The following BCKDHA variants were observed in gnomAD, a reference collection of about 807,000 sequenced individuals.
BCKDHA encodes 2-oxoisovalerate dehydrogenase subunit alpha, mitochondrial.
A neutral mutation model predicts 52.2 loss-of-function variants in BCKDHA; 43 were observed. The ratio of observed to expected loss-of-function variants is 0.82; its 90% CI spans 0.64 to 1.06. The LOEUF (loss-of-function observed/expected upper bound fraction) is 1.06, where lower values mean the gene tolerates loss of function less well. Among genes scored for constraint, BCKDHA ranks in the 50% least tolerant of loss-of-function variants. BCKDHA has a pLI of 0.00. For missense variants in BCKDHA, 527 were observed against 621.3 expected (o/e 0.85, Z 1.61); for synonymous variants, 234 against 247.9 (o/e 0.94, Z 0.53).
At chr19:41,407,133 T>C (rs1348679132) in intron 1 of BCKDHA, among the ~76,000 whole-genome samples, 1 of 152,208 alleles carries the variant, frequency 6.6e-6, no homozygotes, top group East Asian at 1.9e-4. Context: ...ACTTCTCACC[T>C]TCCTAGATTT....
chr19:41,416,423 G>A (rs565908319), intron 4 of BCKDHA, among the ~76,000 whole-genome samples: 1 of 152,342 alleles, frequency 6.6e-6, no homozygotes, highest in East Asian at 1.9e-4. Flanking sequence ...AACTCTAAAA[G>A]CCAGGTAAGA....
intron 1 of BCKDHA, among the ~76,000 whole-genome samples, chr19:41,403,878 A>C (rs1261864554): frequency 6.6e-6 from 1 of 151,788 alleles, no homozygotes; most frequent in Non-Finnish European, 1.5e-5. Flanking sequence ...CCCTCATCCT[A>C]CCTCCTATGT....
chr19:41,402,335 G>A (rs2039147370), intron 1 of BCKDHA, among the ~76,000 whole-genome samples: 1 of 152,140 alleles, frequency 6.6e-6, no homozygotes, highest in Non-Finnish European at 1.5e-5. Flanking sequence ...AAGTGTATGG[G>A]TCCATCTCTT....
At chr19:41,422,488 G>T in intron 6 of BCKDHA, 118 bp downstream of exon 6, 2 of 1,567,320 alleles carry the variant, frequency 1.3e-6, no homozygotes, top group East Asian at 4.5e-5. Context: ...GTCCTGTGGC[G>T]TCTGGCACTT....
At chr19:41,405,353 G>A (rs2039181488) in intron 1 of BCKDHA, among the ~76,000 whole-genome samples, 1 of 151,756 alleles carries the variant, frequency 6.6e-6, no homozygotes, top group Non-Finnish European at 1.5e-5. Context: ...GTGCAGTGGT[G>A]TGATCTTGGC....
rs148106319 is a variant in BCKDHA at position 41,405,747 on chromosome 19, C to CA, written c.109-4889dup. Among the ~76,000 whole-genome samples the CA allele has an allele frequency of 5.8e-3, 880 of 152,284 alleles. 6 individuals carry two copies. Among genetic ancestry groups the CA allele is most frequent in the African/African-American group, 0.02 (832 of 41,560 alleles). ...GCTCAGGGAGTTTAAGTCACATAAT[C>CA]AGGCAGCGGTCTGCTCAGTTAGAGT... On this transcript the variant is annotated intron_variant, in intron 1 of 8. Transcript: ENST00000269980.
intron 3 of BCKDHA, among the ~76,000 whole-genome samples, chr19:41,411,747 G>A (rs2039256227): frequency 6.6e-6 from 1 of 152,150 alleles, no homozygotes; most frequent in South Asian, 2.1e-4. Flanking sequence ...GAGGGGAATA[G>A]TATACTGGGA....
intron 1 of BCKDHA, among the ~76,000 whole-genome samples, chr19:41,409,259 G>T (rs893331262): frequency 3.9e-5 from 6 of 152,150 alleles, no homozygotes; most frequent in Non-Finnish European, 8.8e-5. Context: ...TGCCGAGAAT[G>T]TGCTTTCCCT....
At chr19:41,410,880 C>T (rs369236118) in intron 2 of BCKDHA, 43 bp from the exon 3 acceptor site, 1 of 1,613,628 alleles carries the variant, frequency 6.2e-7, no homozygotes, top group African/African-American at 1.3e-5. Flanking sequence ...TGTCTCCTCT[C>T]TGGTCCCAAC....
chr19:41,417,352 A>C lies in BCKDHA; in HGVS notation c.485-1783A>C, dbSNP rs537372119. On this transcript the variant is annotated intron_variant, in intron 4 of 8. Coordinates refer to ENST00000269980, the MANE Select transcript of BCKDHA (RefSeq NM_000709.4). ...TTAGCACGTTCCCCTGCCCCTGCCC[A>C]GTCCTTCTCACATGGGTGGACCTAG... Among the ~76,000 whole-genome samples, 4 of 152,240 alleles carry C rather than the reference A, an allele frequency of 2.6e-5. No individual in the cohort carries two copies. The East Asian group carries it at 7.7e-4, about 29-fold the overall frequency.
At position 41,414,659 on chromosome 19, in the gene BCKDHA, C is replaced by T. The variant is rs143116648; in HGVS notation, c.484+502C>T. Among the ~76,000 whole-genome samples the T allele has an allele frequency of 2.6e-3, 403 of 152,118 alleles. 7 individuals are homozygous for T. Among genetic ancestry groups the T allele is most frequent in the African/African-American group, 9.2e-3 (380 of 41,504 alleles). ...AGTGCGGTGCAAGATTAGAGGGGCC[C>T]GGCAAGCCCAGATGAGTGAAAGGAA... On this transcript the variant is annotated intron_variant, in intron 4 of 8. Coordinates refer to ENST00000269980, the MANE Select transcript of BCKDHA (RefSeq NM_000709.4).
chr19:41,418,594 C>T (rs955509852), intron 4 of BCKDHA: 13 of 347,050 alleles, frequency 3.7e-5, no homozygotes, highest in East Asian at 3.4e-4. Flanking sequence ...TGCAGTGGCA[C>T]GATCTCAGCT....
At position 41,424,432 on chromosome 19, in the gene BCKDHA, C is replaced by G. The variant is rs1045187712; in HGVS notation, c.1168-6C>G. On this transcript the variant is annotated splice_region_variant and splice_polypyrimidine_tract_variant and intron_variant, in intron 8 of 8. Coordinates refer to ENST00000269980, the MANE Select transcript of BCKDHA (RefSeq NM_000709.4). ...CTAGCCTGCCCACTGCCCCATGTCC[C>G]CACAGGTGATGGAGGCCTTTGAGCA... is the stretch of plus-strand genomic sequence containing the variant. 35 of 1,613,836 alleles carry G rather than the reference C, an allele frequency of 2.2e-5. No homozygotes were observed. Among genetic ancestry groups the G allele is most frequent in the Non-Finnish European group, 3.0e-5 (35 of 1,180,044 alleles).
intron 1 of BCKDHA, among the ~76,000 whole-genome samples, chr19:41,399,186 G>A (rs1041261878): frequency 6.6e-6 from 1 of 152,126 alleles, no homozygotes; most frequent in African/African-American, 2.4e-5. Context: ...GGGAACAAAC[G>A]GGAGGAGGGT....
chr19:41,408,916 CT>C (rs1324310662), intron 1 of BCKDHA, among the ~76,000 whole-genome samples: 1 of 151,764 alleles, frequency 6.6e-6, no homozygotes, highest in African/African-American at 2.4e-5. Flanking sequence ...CCCTGAGCTC[CT>C]TCTGTCTTCC....
At chr19:41,406,201 A>G (rs903629815) in intron 1 of BCKDHA, among the ~76,000 whole-genome samples, 2 of 152,168 alleles carry the variant, frequency 1.3e-5, no homozygotes, top group East Asian at 3.8e-4. Context: ...TATGTGGAGC[A>G]CACTGGGGTG....
rs137852873 is a variant in BCKDHA, at chr19:41,422,310, C to T, written c.793C>T (p.Arg265Trp). The change falls in exon 6 of 9, where the codon CGG (arginine) becomes TGG (tryptophan). Residue 265 changes from arginine (R) to tryptophan (W), a missense_variant. Transcript: ENST00000269980. ...TGAGTGCCCCATCATCTTCTTCTGC[C>T]GGAACAATGGCTACGCCATCTCCAC... is the stretch of plus-strand genomic sequence containing the variant. ...TLECPIIFFC[R>W]NNGYAISTPT... The T allele has an allele frequency of 1.4e-5, 23 of 1,614,094 alleles. No homozygotes were observed. Among genetic ancestry groups the T allele is most frequent in the East Asian group, 2.2e-5 (1 of 44,896 alleles).
rs753452195 is a variant in BCKDHA at position 41,410,805 on chromosome 19, G to A, written c.277G>A (p.Glu93Lys). The change falls in exon 2 of 9, where the codon GAG becomes AAG. Residue 93 changes from glutamate (E) to lysine (K), a missense_variant. Coordinates refer to ENST00000269980, the MANE Select transcript of BCKDHA (RefSeq NM_000709.4). ...DRQGQIINPS[E>K]DPHLPKEKVL... ...GCAAGGCCAGATCATCAACCCCAGC[G>A]AGGACCCCCACGTGAGAGGCGGCCT... 14 of 1,613,926 alleles carry A rather than the reference G, an allele frequency of 8.7e-6. No homozygotes were observed. The highest frequency in any genetic ancestry group is 3.3e-5 in the Admixed American group (2 of 59,984).
At chr19:41,411,749 A>G (rs561014834) in intron 3 of BCKDHA, among the ~76,000 whole-genome samples, 1 of 152,180 alleles carries the variant, frequency 6.6e-6, no homozygotes, top group Non-Finnish European at 1.5e-5. Context: ...GGGGAATAGT[A>G]TACTGGGAAG....
Sources: gnomAD v4.1 joint callset for allele counts (sites outside exome capture counted in the v4.1 genomes callset) on GRCh38, gnomAD v4.1.1 for gene constraint, MANE v1.5 for transcripts, NCBI Gene and HGNC (gene_info 2026-07-23, HGNC 2026-07-21) for gene names.